The following HEATR5B variants were observed in gnomAD, a reference collection of about 807,000 sequenced individuals.
HEATR5B encodes the protein HEAT repeat-containing protein 5B.
Under a neutral mutation model 224.1 loss-of-function variants are expected in HEATR5B, and 156 were observed. The ratio of observed to expected loss-of-function variants is 0.70; its 90% confidence interval spans 0.61 to 0.80. HEATR5B has a LOEUF of 0.80. HEATR5B is among the 30% of genes least tolerant of loss of function. The pLI, the probability that HEATR5B is intolerant of heterozygous loss-of-function variation, is 0.00. For missense variants in HEATR5B, 2,323 were observed against 2,535.5 expected (o/e 0.92, Z 1.80); for synonymous variants, 1,027 against 893.0 (o/e 1.15, Z -2.68).
chr2:37,010,906 A>G (rs1485980733), intron 27 of HEATR5B, among the ~76,000 whole-genome samples: 2 of 151,854 alleles, frequency 1.3e-5, no homozygotes, highest in African/African-American at 4.8e-5. Context: ...CTAGGACTGG[A>G]AGCAAAAAAA....
At chr2:37,014,550 C>T (rs1408388874) in intron 26 of HEATR5B, among the ~76,000 whole-genome samples, 1 of 152,014 alleles carries the variant, frequency 6.6e-6, no homozygotes, top group Non-Finnish European at 1.5e-5. Context: ...ATGTTTCCAC[C>T]GTGTACTTTA....
intron 26 of HEATR5B, 82 bp downstream of exon 26, chr2:37,019,727 C>T: frequency 9.7e-7 from 1 of 1,031,396 alleles, no homozygotes. Context: ...AAATTTTTCT[C>T]TATTCCTTTA....
intron 35 of HEATR5B, among the ~76,000 whole-genome samples, chr2:36,984,200 C>CAAAAAAAAAAAAAAAAAAA (rs1208435239): frequency 5.2e-4 from 15 of 28,968 alleles, no homozygotes; most frequent in Non-Finnish European, 6.5e-4. Context: ...AACTCTGTCT[C>CAAAAAAAAAAAAAAAAAAA]AAAAAAAAAA....
At chr2:37,014,146 C>G in intron 26 of HEATR5B, 126 bp from the exon 27 acceptor site, 1 of 478,998 alleles carries the variant, frequency 2.1e-6, no homozygotes, top group Non-Finnish European at 3.7e-6. Context: ...ATAAACTACC[C>G]AATGCTATGC....
intron 27 of HEATR5B, among the ~76,000 whole-genome samples, chr2:37,009,781 T>A (rs1352252360): frequency 7.9e-6 from 1 of 127,178 alleles, no homozygotes; most frequent in African/African-American, 3.0e-5. Flanking sequence ...CCGCCTCCAC[T>A]TTTTTTTTTT....
chr2:37,056,059 C>T (rs556026478), intron 16 of HEATR5B, among the ~76,000 whole-genome samples: 1 of 152,160 alleles, frequency 6.6e-6, no homozygotes, highest in Admixed American at 6.5e-5. Flanking sequence ...GCTTAGCAAA[C>T]TGATGTCCTT....
chr2:37,042,843 G>A (rs1193972515), intron 18 of HEATR5B, among the ~76,000 whole-genome samples: 2 of 144,260 alleles, frequency 1.4e-5, no homozygotes, highest in Non-Finnish European at 3.0e-5. Context: ...AGAGAGCCAA[G>A]ATCGCGCCAC....
At chr2:37,015,003 G>GA (rs962594793) in intron 26 of HEATR5B, among the ~76,000 whole-genome samples, 6 of 150,934 alleles carry the variant, frequency 4.0e-5, no homozygotes, top group Admixed American at 1.3e-4. Flanking sequence ...AAAGGAATAG[G>GA]AAAAAAAAAT....
chr2:36,992,017 G>A (rs1302841988), intron 33 of HEATR5B, among the ~76,000 whole-genome samples: 2 of 151,976 alleles, frequency 1.3e-5, no homozygotes. Context: ...GGACAACATG[G>A]TGAAACATCA....
At chr2:37,082,111 C>T (rs1331230380) in intron 2 of HEATR5B, among the ~76,000 whole-genome samples, 2 of 111,964 alleles carry the variant, frequency 1.8e-5, no homozygotes, top group Non-Finnish European at 3.4e-5. Flanking sequence ...CTCTTGTCCC[C>T]CGGGCTGGAG....
In HEATR5B at chr2:37,008,840, C is replaced by T. The variant is rs774599123; in HGVS notation, c.4293G>A (p.Val1431=). 146 of 1,586,984 alleles carry T rather than the reference C, an allele frequency of 9.2e-5. 1 individual carries two copies. The East Asian group carries it at 3.2e-3, about 35-fold the overall frequency. ...CTTCCTTTTTAATATTCATAGCGAC[C>T]ACATATACCTAATATGATATTTATG... The part of the protein sequence containing the change: ...AVLKAWAEVY[V]VAMNIKKEAE... The change falls in exon 28 of 36, where the codon GTG becomes GTA. Residue 1431 remains valine, a synonymous_variant. Transcript: ENST00000233099.
chr2:37,072,934 A>G (rs944423459), intron 5 of HEATR5B, among the ~76,000 whole-genome samples: 1 of 152,204 alleles, frequency 6.6e-6, no homozygotes, highest in Non-Finnish European at 1.5e-5. Context: ...TGAATAGCCC[A>G]GTATCTATGT....
chr2:37,046,851 A>T (rs1670227993), intron 18 of HEATR5B, among the ~76,000 whole-genome samples: 1 of 151,422 alleles, frequency 6.6e-6, no homozygotes, highest in African/African-American at 2.4e-5. Flanking sequence ...GGAGTTCGAG[A>T]CTACCCTGGC....
In HEATR5B at chr2:37,057,439, T is replaced by C; in HGVS notation, c.2101A>G (p.Thr701Ala). The C allele has an allele frequency of 1.2e-6, 2 of 1,611,332 alleles. No homozygotes were observed. The highest frequency in any genetic ancestry group is 1.7e-6 in the Non-Finnish European group (2 of 1,178,776). ...GTGTTGGCTGAGTTGTCAGTCAAAG[T>C]GAATTCCGCTACCAGTTCTCTAAGA... ...ALLRELVAEF[T>A]LTDNSANTTT... Residue 701 changes from threonine (T) to alanine (A), a missense_variant, in exon 15 of 36, where the codon ACT becomes GCT. Transcript: ENST00000233099.
intron 21 of HEATR5B, among the ~76,000 whole-genome samples, chr2:37,035,347 G>A (rs537629350): frequency 6.6e-6 from 1 of 152,232 alleles, no homozygotes; most frequent in East Asian, 1.9e-4. Context: ...GAACTGTAGT[G>A]GTACCATGTG....
rs1423295979 is a variant in HEATR5B, at chr2:37,002,563, T to A, written c.5060A>T (p.Asp1687Val). The change falls in exon 32 of 36, where the codon GAT becomes GTT. Residue 1687 changes from aspartate (D) to valine (V), a missense_variant. Around this residue, in one of 12 missense-constraint regions of HEATR5B, gnomAD observed 844 missense variants for 812.9 expected, o/e 1.04. Coordinates refer to ENST00000233099, the MANE Select transcript of HEATR5B (RefSeq NM_019024.3). ...QEKRNTLNEDDMEKEACTVLG... is the reference protein window; with the variant it reads ...QEKRNTLNEDVMEKEACTVLG... ...TACGGTACAGGCCTCTTTTTCCATA[T>A]CATCTTCATCTGAGGTAAAAGATAA... 5 of 1,612,694 alleles carry A rather than the reference T, an allele frequency of 3.1e-6. No individual in the cohort carries two copies. Among genetic ancestry groups the A allele is most frequent in the Non-Finnish European group, 4.2e-6 (5 of 1,179,112 alleles).
chr2:36,989,894 G>A (rs1478874718), intron 34 of HEATR5B, among the ~76,000 whole-genome samples: 1 of 113,590 alleles, frequency 8.8e-6, no homozygotes, highest in Admixed American at 8.8e-5. Flanking sequence ...ATCCAAGAAT[G>A]TTTCCTTTTT....
At chr2:37,000,520 C>A (rs1391903625) in intron 33 of HEATR5B, 66 bp downstream of exon 33, 3 of 1,257,938 alleles carry the variant, frequency 2.4e-6, no homozygotes, top group Admixed American at 1.7e-5. Flanking sequence ...TAAGCTTATT[C>A]AACTAATTCA....
intron 21 of HEATR5B, 74 bp from the exon 22 acceptor site, chr2:37,032,847 T>TATA: frequency 8.2e-7 from 1 of 1,215,632 alleles, no homozygotes; most frequent in Non-Finnish European, 1.2e-6. Flanking sequence ...GCCCAATGAA[T>TATA]ATATATATAC....
Sources: allele counts gnomAD v4.1 joint callset (sites outside exome capture counted in the v4.1 genomes callset), GRCh38; gene constraint gnomAD v4.1.1; regional missense constraint gnomAD v4.1.1; transcripts MANE v1.5; gene names NCBI Gene and HGNC (gene_info 2026-07-23, HGNC 2026-07-21).